YWHAG: variants seen among roughly 807,000 people sequenced by gnomAD.
The protein encoded by YWHAG is 14-3-3 protein gamma.
In YWHAG, 1 loss-of-function variant was observed where a neutral mutation model predicts 23.3. The ratio of observed to expected loss-of-function variants is 0.04; its 90% CI spans 0.02 to 0.20. The LOEUF (loss-of-function observed/expected upper bound fraction) is 0.20. YWHAG is among the 10% of genes least tolerant of loss of function. The pLI is 1.00. For synonymous variants in YWHAG, 160 were observed against 144.0 expected, an observed-to-expected ratio of 1.11 and a Z score of -0.80; for missense variants, 151 against 338.6, an observed-to-expected ratio of 0.45 and a Z score of 4.35.
rs374407682 is a variant in YWHAG at position 76,358,968 on chromosome 7, C to A, written c.-160G>T. Reference sequence around the variant, plus strand: ...GAGGAGGCGGCTGGAGCTGCGACCGCGGGACCGGGCGCGAGGCGGCTGCGG... The same window carrying A: ...GAGGAGGCGGCTGGAGCTGCGACCGAGGGACCGGGCGCGAGGCGGCTGCGG... On this transcript the variant is annotated 5_prime_UTR_variant, in exon 1 of 2. Transcript: ENST00000307630. 1,499 of 568,064 alleles carry A rather than the reference C, an allele frequency of 2.6e-3. 15 individuals are homozygous for A. The highest frequency in any genetic ancestry group is 0.016 in the South Asian group (448 of 28,284). The allele number at this position is 568,064 out of a possible 1,614,324, so 35.2% of individuals were successfully genotyped here.
chr7:76,343,745 G>A (rs747166340), intron 1 of YWHAG, among the ~76,000 whole-genome samples: 7 of 152,180 alleles, frequency 4.6e-5, no homozygotes, highest in Non-Finnish European at 8.8e-5. Context: ...AGATAGGCAA[G>A]GCTTGAAAAG....
intron 1 of YWHAG, among the ~76,000 whole-genome samples, chr7:76,351,771 C>T (rs1216508946): frequency 1.3e-5 from 2 of 152,216 alleles, no homozygotes; most frequent in African/African-American, 4.8e-5. Context: ...AGGGCTCCCA[C>T]TGATCCTACA....
At chr7:76,337,487 C>T (rs991824468) in intron 1 of YWHAG, among the ~76,000 whole-genome samples, 2 of 151,782 alleles carry the variant, frequency 1.3e-5, no homozygotes, top group South Asian at 2.1e-4. Flanking sequence ...TGAAAGCTTG[C>T]GCCTGGCTTC....
chr7:76,330,854 A>G (rs1803532533), intron 1 of YWHAG, among the ~76,000 whole-genome samples: 1 of 152,202 alleles, frequency 6.6e-6, no homozygotes, highest in Non-Finnish European at 1.5e-5. Context: ...CAAAAGAACG[A>G]GGCGAGCACA....
intron 1 of YWHAG, among the ~76,000 whole-genome samples, chr7:76,342,131 G>GGTTA (rs1161992381): frequency 4.6e-5 from 7 of 152,176 alleles, no homozygotes; most frequent in Non-Finnish European, 8.8e-5. Flanking sequence ...ATGTAGTGCA[G>GGTTA]GTTATATTTC....
rs376664458 is a variant in YWHAG at position 76,358,620 on chromosome 7, A to T, written c.87+102T>A. The stretch of plus-strand genomic sequence containing the variant: ...CCTCAGTGAGCGAGACGGGGCGGTC[A>T]ACCCGCCATCGCGACAGGGCGACGA... On this transcript the variant is annotated intron_variant, in intron 1 of 1. Coordinates refer to ENST00000307630, the MANE Select transcript of YWHAG (RefSeq NM_012479.4). 254 of 1,207,300 alleles carry T rather than the reference A, an allele frequency of 2.1e-4. No individual in the cohort carries two copies. In the African/African-American group the frequency reaches 3.5e-3, roughly 17 times the overall value. 74.8% of individuals were successfully genotyped at this position (1,207,300 alleles called of 1,614,324 possible). A position where few individuals can be genotyped will look rare whatever the true frequency, so the allele number is the denominator to read the frequency against.
chr7:76,352,494 G>T lies in YWHAG; in HGVS notation c.87+6228C>A, dbSNP rs138429513. ...TGCTCAGAGGAAAGCTGGGTACCTG[G>T]GTCCCACTCACCAAAATGGGCTTTC... On this transcript the variant is annotated intron_variant, in intron 1 of 1. Transcript: ENST00000307630. Among the ~76,000 whole-genome samples the T allele has an allele frequency of 3.9e-5, 6 of 152,098 alleles. 1 individual carries two copies. In the East Asian group the frequency reaches 1.2e-3, roughly 29 times the overall value.
chr7:76,357,085 C>G (rs1803973108), intron 1 of YWHAG, among the ~76,000 whole-genome samples: 1 of 152,222 alleles, frequency 6.6e-6, no homozygotes, highest in Non-Finnish European at 1.5e-5. Flanking sequence ...ATAACACGAA[C>G]TGAAGATATT....
chr7:76,358,836 A>G lies in YWHAG; in HGVS notation c.-28T>C, dbSNP rs767724008. The G allele has an allele frequency of 6.3e-7, 1 of 1,580,134 alleles. No individual in the cohort carries two copies. The highest frequency in any genetic ancestry group is 1.8e-5 in the Admixed American group (1 of 56,412). Reference sequence around the variant, plus strand: ...TCGCGGGGCTGGGTCTGGCCGGAGAAGGAGGAGGACACTGGGGCGGCCTGA... The same window carrying G: ...TCGCGGGGCTGGGTCTGGCCGGAGAGGGAGGAGGACACTGGGGCGGCCTGA... On this transcript the variant is annotated 5_prime_UTR_variant, in exon 1 of 2. Coordinates refer to ENST00000307630, the MANE Select transcript of YWHAG (RefSeq NM_012479.4).
At chr7:76,348,358 G>A (rs114305873) in intron 1 of YWHAG, among the ~76,000 whole-genome samples, 4,274 of 149,194 alleles carry the variant, frequency 0.029, 216 homozygotes, top group African/African-American at 0.098. Flanking sequence ...CCTGGTTCTA[G>A]TGATTCTCAT....
At chr7:76,353,496 C>G (rs1228379216) in intron 1 of YWHAG, among the ~76,000 whole-genome samples, 3 of 152,218 alleles carry the variant, frequency 2.0e-5, no homozygotes, top group African/African-American at 7.2e-5. Flanking sequence ...CAGGCGTGAG[C>G]CACCGTGCCT....
At chr7:76,335,133 C>T (rs1803598353) in intron 1 of YWHAG, among the ~76,000 whole-genome samples, 1 of 152,202 alleles carries the variant, frequency 6.6e-6, no homozygotes, top group African/African-American at 2.4e-5. Flanking sequence ...TCCCGGCTCA[C>T]TGCAACCTCT....
At chr7:76,358,466 C>T (rs1328775371) in intron 1 of YWHAG, among the ~76,000 whole-genome samples, 1 of 152,088 alleles carries the variant, frequency 6.6e-6, no homozygotes, top group East Asian at 1.9e-4. Context: ...AGTCCAGCCC[C>T]GCGGGACCTC....
chr7:76,344,944 A>G (rs1583989526), intron 1 of YWHAG, among the ~76,000 whole-genome samples: 1 of 152,146 alleles, frequency 6.6e-6, no homozygotes, highest in African/African-American at 2.4e-5. Context: ...CAGCAACTCC[A>G]TTCTTTCTGC....
intron 1 of YWHAG, among the ~76,000 whole-genome samples, chr7:76,344,006 C>G (rs1440931040): frequency 6.6e-6 from 1 of 152,178 alleles, no homozygotes; most frequent in Admixed American, 6.5e-5. Flanking sequence ...AGTCAAAGCC[C>G]GAGATCTATC....
chr7:76,339,917 C>A (rs555337855), intron 1 of YWHAG, among the ~76,000 whole-genome samples: 1 of 152,070 alleles, frequency 6.6e-6, no homozygotes, highest in South Asian at 2.1e-4. Context: ...GGTGAAACCC[C>A]GTCTCTACTA....
chr7:76,355,406 T>G (rs56088971), intron 1 of YWHAG, among the ~76,000 whole-genome samples: 13 of 152,182 alleles, frequency 8.5e-5, no homozygotes, highest in Non-Finnish European at 1.8e-4. Flanking sequence ...AAAAAACACA[T>G]AGATTTCCAA....
intron 1 of YWHAG, among the ~76,000 whole-genome samples, chr7:76,351,157 T>C (rs2115647307): frequency 6.6e-6 from 1 of 152,278 alleles, no homozygotes. Context: ...CCGAAATTTC[T>C]AGCATCCTGA....
At chr7:76,339,615 T>G (rs953349605) in intron 1 of YWHAG, among the ~76,000 whole-genome samples, 3 of 152,194 alleles carry the variant, frequency 2.0e-5, no homozygotes, top group African/African-American at 7.2e-5. Context: ...AGGTTTGAAC[T>G]GCACAAATCC....
Sources: gnomAD v4.1 joint callset for allele counts (sites outside exome capture counted in the v4.1 genomes callset) on GRCh38, gnomAD v4.1.1 for gene constraint, MANE v1.5 for transcripts, NCBI Gene and HGNC (gene_info 2026-07-23, HGNC 2026-07-21) for gene names.